TEX11: variants seen among roughly 807,000 people sequenced by gnomAD.
The protein encoded by TEX11 is testis-expressed protein 11.
In TEX11, 7 loss-of-function variants were observed where a neutral mutation model predicts 84.4. That is an observed-to-expected ratio of 0.08 (90% CI 0.05 to 0.16). TEX11 has a LOEUF of 0.16. Among genes scored for constraint, TEX11 ranks in the 10% least tolerant of loss-of-function variants. TEX11 has a pLI of 1.00. For synonymous variants in TEX11, 264 were observed against 222.8 expected (o/e 1.18, Z -1.64); for missense variants, 551 against 660.5 (o/e 0.83, Z 1.82).
In TEX11 at chrX:70,643,489, C is replaced by T. The variant is rs1239071153; in HGVS notation, c.1483+7961G>A. Among the ~76,000 whole-genome samples the T allele has an allele frequency of 1.4e-4, 12 of 88,186 alleles. No homozygotes were observed. The South Asian group carries it at 7.3e-3, about 54-fold the overall frequency. 76.6% of individuals were successfully genotyped at this position (88,186 alleles called of 115,157 possible). ...TCAATCCTAAGCCAAAAGAACAAAG[C>T]TGGAGGCATCACACTACCTGACTTC... On this transcript the variant is annotated intron_variant, in intron 17 of 29. Transcript: ENST00000374333.
At chrX:70,890,764 C>A (rs1203449777) in intron 2 of TEX11, among the ~76,000 whole-genome samples, 2 of 112,513 alleles carry the variant, frequency 1.8e-5, no homozygotes, top group African/African-American at 6.5e-5. Flanking sequence ...GTAGACTCCA[C>A]CTCTGGGGGC....
intron 2 of TEX11, among the ~76,000 whole-genome samples, chrX:70,902,109 G>A (rs1347107189): frequency 9.0e-6 from 1 of 111,422 alleles, no homozygotes; most frequent in Non-Finnish European, 1.9e-5. Flanking sequence ...AATTATCTGG[G>A]CATGGTGGTG....
intron 24 of TEX11, among the ~76,000 whole-genome samples, chrX:70,592,045 G>T (rs985732102): frequency 4.5e-5 from 5 of 111,445 alleles, no homozygotes; most frequent in Non-Finnish European, 7.5e-5. Context: ...AAAATCTTGA[G>T]CATTATCAAT....
intron 13 of TEX11, among the ~76,000 whole-genome samples, chrX:70,692,593 T>C (rs2090245064): frequency 9.0e-6 from 1 of 110,525 alleles, no homozygotes; most frequent in Admixed American, 9.7e-5. Flanking sequence ...CTGTCACAAA[T>C]AGTGGGATTT....
In TEX11 at chrX:70,567,534, G is replaced by A. The variant is rs1172955523; in HGVS notation, c.2141-12734C>T. ...TTAGATCTTTCCTGCTTTCTCTTGT[G>A]GGCATTTAGTGCTATAAATTTCCCT... On this transcript the variant is annotated intron_variant, in intron 25 of 29. Coordinates refer to ENST00000374333, the MANE Select transcript of TEX11 (RefSeq NM_031276.3). Among the ~76,000 whole-genome samples, 15 of 110,722 alleles carry A rather than the reference G, an allele frequency of 1.4e-4. No homozygotes were observed. In the Admixed American group the frequency reaches 1.4e-3, roughly 11 times the overall value.
chrX:70,660,218 C>T (rs2147621407), intron 16 of TEX11, among the ~76,000 whole-genome samples: 1 of 111,317 alleles, frequency 9.0e-6, no homozygotes, highest in Admixed American at 9.5e-5. Flanking sequence ...ATGTGAAGGC[C>T]TAGGATATTA....
intron 9 of TEX11, among the ~76,000 whole-genome samples, chrX:70,780,308 T>C (rs942170726): frequency 3.6e-5 from 4 of 112,252 alleles, no homozygotes; most frequent in Admixed American, 9.4e-5. Context: ...AAGAAAAACA[T>C]TTATAAAATA....
intron 25 of TEX11, among the ~76,000 whole-genome samples, chrX:70,562,684 T>C (rs1027915667): frequency 8.9e-6 from 1 of 112,348 alleles, no homozygotes; most frequent in African/African-American, 3.2e-5. Flanking sequence ...TTTAAAATTG[T>C]ATCCGGTAAA....
At chrX:70,768,901 A>G (rs2090956568) in intron 9 of TEX11, among the ~76,000 whole-genome samples, 1 of 112,301 alleles carries the variant, frequency 8.9e-6, no homozygotes, top group African/African-American at 3.2e-5. Flanking sequence ...ATTGAATTAA[A>G]TTAGAAATCA....
At chrX:70,853,455 G>C in intron 5 of TEX11, 127 bp from the exon 6 acceptor site, 1 of 467,371 alleles carries the variant, frequency 2.1e-6, no homozygotes, top group Non-Finnish European at 3.6e-6. Context: ...AAAACAAAAA[G>C]CAACAGTTAG....
In TEX11 at chrX:70,718,331, A is replaced by T. The variant is rs752472571; in HGVS notation, c.1004+4287T>A. ...CTTCCTTTTTGGAATTCACTCTTTA[A>T]ACCTGCAATTGTGAATACGTAGTTT... On this transcript the variant is annotated intron_variant, in intron 13 of 29. Transcript: ENST00000374333. 3.6e-5 allele frequency among the ~76,000 whole-genome samples: 4 copies of T among 112,544 alleles called. No individual in the cohort carries two copies. In the East Asian group the frequency reaches 1.1e-3, roughly 31 times the overall value.
intron 8 of TEX11, among the ~76,000 whole-genome samples, chrX:70,820,618 C>T (rs1355989701): frequency 9.0e-6 from 1 of 111,326 alleles, no homozygotes; most frequent in Non-Finnish European, 1.9e-5. Context: ...CTCAGGAAGG[C>T]AAAGGGGAGT....
chrX:70,516,795 A>C, the TEX11 span, among the ~76,000 whole-genome samples: 6 of 109,944 alleles, frequency 5.5e-5, no homozygotes, highest in Non-Finnish European at 7.6e-5. Context: ...CTTTTATTTC[A>C]TTGAGCAGTG....
intron 25 of TEX11, among the ~76,000 whole-genome samples, chrX:70,582,926 A>C (rs1427498637): frequency 9.2e-6 from 1 of 108,189 alleles, no homozygotes; most frequent in Non-Finnish European, 1.9e-5. Context: ...TTGTATTTTT[A>C]GTAGATACGG....
Position 70,539,036 on chromosome X carries a change from A to ATATATATATTTT in TEX11, c.2521-9038_2521-9037insAAAATATATATA, listed in dbSNP as rs1555978726. Among the ~76,000 whole-genome samples, 4 of 15,628 alleles carry ATATATATATTTT rather than the reference A, an allele frequency of 2.6e-4. No homozygotes were observed. The Admixed American group carries it at 4.8e-3, about 19-fold the overall frequency. The allele number at this position is 15,628 out of a possible 115,157, so 13.6% of individuals were successfully genotyped here. On this transcript the variant is annotated intron_variant, in intron 28 of 29. Transcript: ENST00000374333. ...CACTTGGAAATATATATATATATAT[A>ATATATATATTTT]TATTTTTTTTTTTTTTAAGATGGAG...
At chrX:70,519,552 C>T in the TEX11 span, among the ~76,000 whole-genome samples, 2 of 111,661 alleles carry the variant, frequency 1.8e-5, no homozygotes, top group Non-Finnish European at 3.8e-5. Flanking sequence ...AACATTGTTT[C>T]CTTCATTTCA....
the TEX11 span, among the ~76,000 whole-genome samples, chrX:70,518,940 C>T: frequency 6.3e-5 from 7 of 111,791 alleles, no homozygotes; most frequent in South Asian, 2.2e-3. Flanking sequence ...ATAACCCCTG[C>T]TCTTTTTTGT....
At chrX:70,844,322 GA>G (rs1353202638) in intron 7 of TEX11, among the ~76,000 whole-genome samples, 3 of 108,874 alleles carry the variant, frequency 2.8e-5, no homozygotes, top group Non-Finnish European at 5.7e-5. Flanking sequence ...GGACATGGAT[GA>G]AACTGGAAGC....
At chrX:70,855,547 T>C (rs4615765) in intron 5 of TEX11, among the ~76,000 whole-genome samples, 40,374 of 104,553 alleles carry the variant, frequency 0.39, 6,879 homozygotes, top group East Asian at 0.56. Context: ...GCTTGGGCGA[T>C]AGAGTGAGAC....
Sources: allele counts gnomAD v4.1 joint callset (sites outside exome capture counted in the v4.1 genomes callset), GRCh38; gene constraint gnomAD v4.1.1; transcripts MANE v1.5; gene names NCBI Gene and HGNC (gene_info 2026-07-23, HGNC 2026-07-21).